The following PADI6 variants were observed in gnomAD, a reference collection of about 807,000 sequenced individuals.
PADI6 encodes inactive protein-arginine deiminase type-6.
In PADI6, 66 loss-of-function variants were observed where a neutral mutation model predicts 78.2. The ratio of observed to expected loss-of-function variants is 0.84; its 90% confidence interval spans 0.69 to 1.04. The LOEUF (loss-of-function observed/expected upper bound fraction) is 1.04. Ranked by LOEUF, PADI6 falls within the 50% of genes least tolerant of loss-of-function variation. The probability of loss-of-function intolerance (pLI) is 0.00; values close to 1 mark genes in which losing one functional copy is unlikely to be tolerated. For synonymous variants in PADI6, 397 were observed against 346.9 expected (o/e 1.14, Z -1.60); for missense variants, 854 against 866.1 (o/e 0.99, Z 0.18).
At chr1:17,397,198 C>T (rs1475640537) in intron 14 of PADI6, 57 bp downstream of exon 14, 1 of 1,593,156 alleles carries the variant, frequency 6.3e-7, no homozygotes, top group African/African-American at 1.3e-5. Context: ...GCAGGTCTTG[C>T]AGGAAGGTTT....
chr1:17,382,157 AC>A (rs2075079187), intron 6 of PADI6, 65 bp downstream of exon 6: 1 of 1,576,246 alleles, frequency 6.3e-7, no homozygotes, highest in African/African-American at 1.4e-5. Flanking sequence ...TTGTGCCCAC[AC>A]CTCCTCCCAG....
At chr1:17,392,623 T>C (rs573981288) in intron 9 of PADI6, among the ~76,000 whole-genome samples, 1 of 152,226 alleles carries the variant, frequency 6.6e-6, no homozygotes, top group African/African-American at 2.4e-5. Context: ...TGCAGATGAG[T>C]GATCATCACA....
At chr1:17,393,148 GAAA>G (rs892825281) in intron 9 of PADI6, among the ~76,000 whole-genome samples, 3 of 148,378 alleles carry the variant, frequency 2.0e-5, no homozygotes, top group Non-Finnish European at 3.0e-5. Flanking sequence ...TGTCTCAAAA[GAAA>G]AAAAAAAATC....
rs974364168 is a variant in PADI6, at chr1:17,373,315, C to T, written c.294+82C>T. 8.6e-5 allele frequency: 129 copies of T among 1,499,746 alleles called. 2 individuals are homozygous for T. The Admixed American group carries it at 1.0e-3, about 12-fold the overall frequency. 92.9% of individuals were successfully genotyped at this position (1,499,746 alleles called of 1,614,324 possible). Reference sequence around the variant, plus strand: ...ACTGGGGCTTCCTCCTGGCTGCAGACGTGACTCGAGCCTGGGAAACACGTT... The same window carrying T: ...ACTGGGGCTTCCTCCTGGCTGCAGATGTGACTCGAGCCTGGGAAACACGTT... On this transcript the variant is annotated intron_variant, in intron 2 of 15. Coordinates refer to ENST00000619609, the MANE Select transcript of PADI6 (RefSeq NM_207421.4).
intron 6 of PADI6, among the ~76,000 whole-genome samples, chr1:17,383,369 C>T (rs927453865): frequency 5.9e-5 from 9 of 152,136 alleles, no homozygotes; most frequent in East Asian, 1.9e-4. Flanking sequence ...TAGAGTGAGC[C>T]GAAGAAACCC....
At chr1:17,383,659 C>A (rs907271895) in intron 6 of PADI6, among the ~76,000 whole-genome samples, 2 of 152,174 alleles carry the variant, frequency 1.3e-5, no homozygotes, top group Admixed American at 6.5e-5. Flanking sequence ...AACAGCCTGG[C>A]CAACATGGCG....
chr1:17,395,896 A>T (rs1489183121), intron 13 of PADI6, among the ~76,000 whole-genome samples: 3 of 152,062 alleles, frequency 2.0e-5, no homozygotes, highest in Non-Finnish European at 1.5e-5. Flanking sequence ...TTGAAGGGGG[A>T]CTCACTTAGT....
In PADI6 at chr1:17,396,948, C is replaced by T. The variant is rs146819955; in HGVS notation, c.1619-123C>T. 7.3e-4 allele frequency: 624 copies of T among 855,016 alleles called. 7 individuals are homozygous for T. The African/African-American group carries it at 9.5e-3, about 13-fold the overall frequency. 53.0% of individuals were successfully genotyped at this position (855,016 alleles called of 1,614,324 possible). On this transcript the variant is annotated intron_variant, in intron 13 of 15. Coordinates refer to ENST00000619609, the MANE Select transcript of PADI6 (RefSeq NM_207421.4). ...TGTGATCCCTGGAGATAGGCCAGTCCTCTCGCCATGGTCACTGGCCCAGGA... is the reference window on the plus strand; with the variant it reads ...TGTGATCCCTGGAGATAGGCCAGTCTTCTCGCCATGGTCACTGGCCCAGGA...
Position 17,395,089 on chromosome 1 carries a change from CAAG to C in PADI6, c.1479_1481del (p.Lys493del), listed in dbSNP as rs1557608360. On this transcript the variant is annotated inframe_deletion, in exon 12 of 16. Coordinates refer to ENST00000619609, the MANE Select transcript of PADI6 (RefSeq NM_207421.4). ...TCATGTGCTTCATCCCCACAGATGA[CAAG>C]AATGAGGGCAAAAAGGTCTGCTTTG... 2 of 1,613,750 alleles carry C rather than the reference CAAG, an allele frequency of 1.2e-6. No homozygotes were observed. The highest frequency in any genetic ancestry group is 1.7e-6 in the Non-Finnish European group (2 of 1,179,818).
chr1:17,398,930 A>G (rs2075274380), intron 15 of PADI6, 83 bp downstream of exon 15: 2 of 1,431,770 alleles, frequency 1.4e-6, no homozygotes, highest in African/African-American at 1.4e-5. Context: ...TGGACTGCAG[A>G]TATGGTGGAC....
intron 11 of PADI6, 126 bp downstream of exon 11, chr1:17,394,580 T>A: frequency 9.6e-7 from 1 of 1,041,368 alleles, no homozygotes; most frequent in Non-Finnish European, 1.4e-6. Flanking sequence ...ACTGAAGACA[T>A]TTGAGCTTTT....
At chr1:17,384,204 C>T (rs1487098978) in intron 6 of PADI6, among the ~76,000 whole-genome samples, 1 of 151,606 alleles carries the variant, frequency 6.6e-6, no homozygotes, top group Non-Finnish European at 1.5e-5. Flanking sequence ...AACAAGCCTT[C>T]CAGGTGACTC....
chr1:17,398,623 T>G lies in PADI6; in HGVS notation c.1690-63T>G. 2 of 1,051,246 alleles carry G rather than the reference T, an allele frequency of 1.9e-6. 1 individual carries two copies. The highest frequency in any genetic ancestry group is 3.1e-5 in the South Asian group (2 of 64,264). 65.1% of individuals were successfully genotyped at this position (1,051,246 alleles called of 1,614,324 possible). ...CCTTCAGTATGGAAGGAAACTGGTT[T>G]TAATTCCTGATGAGCTCTCCTTGCT... On this transcript the variant is annotated intron_variant, in intron 14 of 15. Coordinates refer to ENST00000619609, the MANE Select transcript of PADI6 (RefSeq NM_207421.4).
chr1:17,375,975 C>CTTTT (rs575076756), intron 3 of PADI6, among the ~76,000 whole-genome samples: 2 of 150,242 alleles, frequency 1.3e-5, no homozygotes, highest in African/African-American at 5.0e-5. Flanking sequence ...ATAACATCTA[C>CTTTT]TTTTTTTTTC....
chr1:17,401,430 G>A lies in PADI6; in HGVS notation c.2077G>A (p.Val693Ile). The A allele has an allele frequency of 6.2e-7, 1 of 1,613,790 alleles. No homozygotes were observed. The highest frequency in any genetic ancestry group is 8.5e-7 in the Non-Finnish European group (1 of 1,179,790). ...CTTTGCCTTCAAATGGTGGAAGATGGTACCTTAGACCCAGGCCCTGGAGCT... is the reference window on the plus strand; with the variant it reads ...CTTTGCCTTCAAATGGTGGAAGATGATACCTTAGACCCAGGCCCTGGAGCT... ...VPFAFKWWKM[V>I]P Residue 693 changes from valine to isoleucine, a missense_variant, in exon 16 of 16, where the codon GTA (valine) becomes ATA (isoleucine). Val to Ile is a conservative substitution (Grantham distance 29). Coordinates refer to ENST00000619609, the MANE Select transcript of PADI6 (RefSeq NM_207421.4).
Position 17,398,654 on chromosome 1 carries a change from GCCCCCCCCCCCAC to G in PADI6, c.1690-29_1690-17del, listed in dbSNP as rs774990219. 1.7e-5 allele frequency: 3 copies of G among 173,478 alleles called. No individual in the cohort carries two copies. In the East Asian group the frequency reaches 5.5e-4, roughly 32 times the overall value. The allele number at this position is 173,478 out of a possible 1,614,324, so 10.7% of individuals were successfully genotyped here. ...CCTGATGAGCTCTCCTTGCTCCCCC[GCCCCCCCCCCCAC>G]CCACCCACCCACCCACAGAAGTGCA... is the stretch of plus-strand genomic sequence containing the variant. On this transcript the variant is annotated intron_variant, in intron 14 of 15. Transcript: ENST00000619609.
At chr1:17,392,626 T>C (rs115983085) in intron 9 of PADI6, among the ~76,000 whole-genome samples, 191 of 152,280 alleles carry the variant, frequency 1.3e-3, no homozygotes, top group African/African-American at 4.4e-3. Context: ...AGATGAGTGA[T>C]CATCACATGC....
At position 17,388,438 on chromosome 1, in the gene PADI6, T is replaced by TG; in HGVS notation, c.739dup (p.Ala247GlyfsTer14). ...GGGCCCGACCAGCACGCCTATACCT[T>TG]GGCCCTCCTCGGGAACCACTTGAAG... On this transcript the variant is annotated frameshift_variant, in exon 7 of 16. Transcript: ENST00000619609. LOFTEE classifies it high-confidence loss of function. 6.2e-7 allele frequency: 1 copy of TG among 1,613,844 alleles called. No individual in the cohort carries two copies. Among genetic ancestry groups the TG allele is most frequent in the East Asian group, 2.2e-5 (1 of 44,882 alleles).
In PADI6 at chr1:17,401,297, C is replaced by T. The variant is rs369351565; in HGVS notation, c.1944C>T (p.Cys648=). The T allele has an allele frequency of 1.5e-5, 24 of 1,614,084 alleles. No individual in the cohort carries two copies. The highest frequency in any genetic ancestry group is 2.0e-5 in the Non-Finnish European group (24 of 1,179,908). ...KGTCCLEEKI[C]CLLEPLGFKC... ...CCTGCTGCCTGGAAGAAAAGATTTG[C>T]TGCTTGCTGGAGCCCCTGGGCTTCA... The change falls in exon 16 of 16, where the codon TGC becomes TGT. Residue 648 remains cysteine (C), a synonymous_variant. Transcript: ENST00000619609.
Sources: allele counts gnomAD v4.1 joint callset (sites outside exome capture counted in the v4.1 genomes callset), GRCh38; gene constraint gnomAD v4.1.1; transcripts MANE v1.5; gene names NCBI Gene and HGNC (gene_info 2026-07-23, HGNC 2026-07-21).